EML6: variants seen among roughly 807,000 people sequenced by gnomAD.
The protein encoded by EML6 is EMAP like 6.
A neutral mutation model predicts 240.1 loss-of-function variants in EML6; 154 were observed. The observed-to-expected ratio is 0.64, with a 90% confidence interval of 0.56 to 0.73. EML6 has a LOEUF of 0.73. Among genes scored for constraint, EML6 ranks in the 30% least tolerant of loss-of-function variants. The pLI is 0.00. For synonymous variants in EML6, 1,148 were observed against 899.0 expected, an observed-to-expected ratio of 1.28 and a Z score of -4.95; for missense variants, 2,964 against 2,474.6, an observed-to-expected ratio of 1.20 and a Z score of -4.20.
intron 7 of EML6, among the ~76,000 whole-genome samples, chr2:54,838,048 C>T (rs575824215): frequency 6.6e-6 from 1 of 152,338 alleles, no homozygotes; most frequent in East Asian, 1.9e-4. Context: ...TGTGCTGGAA[C>T]ATAGCCTTTT....
chr2:54,835,376 G>C (rs1669086641), intron 7 of EML6, among the ~76,000 whole-genome samples: 1 of 152,222 alleles, frequency 6.6e-6, no homozygotes, highest in Non-Finnish European at 1.5e-5. Flanking sequence ...TGAATGAAAA[G>C]TGTCATAGGA....
At chr2:54,849,058 C>T (rs997368795) in intron 9 of EML6, among the ~76,000 whole-genome samples, 2 of 152,078 alleles carry the variant, frequency 1.3e-5, no homozygotes, top group Non-Finnish European at 2.9e-5. Flanking sequence ...TTTGACAAAC[C>T]CCAACTTTTG....
chr2:54,796,141 A>G (rs1669755029), intron 2 of EML6, among the ~76,000 whole-genome samples: 2 of 152,244 alleles, frequency 1.3e-5, no homozygotes, highest in African/African-American at 4.8e-5. Flanking sequence ...AAATCCGTCT[A>G]ATAGTATATA....
At position 54,961,184 on chromosome 2, in the gene EML6, GTT is replaced by G. The variant is rs575621987; in HGVS notation, c.4968+868_4968+869del. On this transcript the variant is annotated intron_variant, in intron 35 of 41. Coordinates refer to ENST00000356458, the MANE Select transcript of EML6 (RefSeq NM_001039753.4). The stretch of plus-strand genomic sequence containing the variant: ...GGAGCCTGGAAGTTATCAGGAAGTA[GTT>G]TTTTTTTTTTTTTTTTTGAGACGGA... Among the ~76,000 whole-genome samples, 10 of 55,424 alleles carry G rather than the reference GTT, an allele frequency of 1.8e-4. 1 individual carries two copies. The highest frequency in any genetic ancestry group is 2.7e-4 in the Admixed American group (1 of 3,714). 36.4% of individuals were successfully genotyped at this position (55,424 alleles called of 152,430 possible).
intron 35 of EML6, 21 bp downstream of exon 35, chr2:54,960,355 T>TG: frequency 2.0e-6 from 3 of 1,513,184 alleles, no homozygotes; most frequent in Non-Finnish European, 2.7e-6. Flanking sequence ...CCAGCTCCCC[T>TG]GGGGGCTGGG....
intron 2 of EML6, among the ~76,000 whole-genome samples, chr2:54,810,274 A>C (rs73935229): frequency 0.025 from 3,748 of 152,336 alleles, 157 homozygotes; most frequent in African/African-American, 0.086. Flanking sequence ...AATATGAATG[A>C]GAAGAACAAT....
chr2:54,957,942 A>G lies in EML6; in HGVS notation c.4639A>G (p.Ile1547Val), dbSNP rs1364466844. The change falls in exon 33 of 42, where the codon ATC (isoleucine) becomes GTC (valine). Residue 1547 changes from isoleucine (I) to valine (V), a missense_variant. Coordinates refer to ENST00000356458, the MANE Select transcript of EML6 (RefSeq NM_001039753.4). ...GSALLYKKGVIGSLGAAKMQT... is the reference protein window; with the variant it reads ...GSALLYKKGVVGSLGAAKMQT... ...CGCCTTGCTTTACAAGAAAGGGGTCATCGGGTCCCTGGGAGCTGCCAAAAT... is the reference window on the plus strand; with the variant it reads ...CGCCTTGCTTTACAAGAAAGGGGTCGTCGGGTCCCTGGGAGCTGCCAAAAT... 1.3e-6 allele frequency: 2 copies of G among 1,551,680 alleles called. No individual in the cohort carries two copies. Among genetic ancestry groups the G allele is most frequent in the East Asian group, 2.4e-5 (1 of 40,920 alleles).
chr2:54,930,684 A>G (rs1349004557), intron 28 of EML6, among the ~76,000 whole-genome samples: 3 of 152,182 alleles, frequency 2.0e-5, no homozygotes, highest in Non-Finnish European at 4.4e-5. Context: ...TTCTGTAGAG[A>G]GCAGCTTCCT....
At chr2:54,835,003 C>T (rs1011576024) in intron 7 of EML6, among the ~76,000 whole-genome samples, 4 of 152,186 alleles carry the variant, frequency 2.6e-5, no homozygotes, top group East Asian at 1.9e-4. Flanking sequence ...CAGCCACCAC[C>T]CTCCGCATTG....
In EML6 at chr2:54,816,797, CTG is replaced by C. The variant is rs970823693; in HGVS notation, c.371_372del (p.Val124GlyfsTer27). 1 of 1,550,880 alleles carries C rather than the reference CTG, an allele frequency of 6.4e-7. No homozygotes were observed. The highest frequency in any genetic ancestry group is 8.7e-7 in the Non-Finnish European group (1 of 1,146,424). The stretch of plus-strand genomic sequence containing the variant: ...TGTTCTTATTCTTAGCGTTTAGCCT[CTG>C]TGGGGTTGGATGCCAAAAACACAGT... On this transcript the variant is annotated frameshift_variant, in exon 4 of 42. Coordinates refer to ENST00000356458, the MANE Select transcript of EML6 (RefSeq NM_001039753.4). LOFTEE classifies it high-confidence loss of function.
chr2:54,876,439 A>G (rs2103955957), intron 16 of EML6, among the ~76,000 whole-genome samples: 1 of 152,322 alleles, frequency 6.6e-6, no homozygotes, highest in East Asian at 1.9e-4. Context: ...GAAAGGTGGT[A>G]TAACAGTGAG....
At chr2:54,885,447 C>CA (rs774663095) in intron 17 of EML6, among the ~76,000 whole-genome samples, 6,872 of 142,322 alleles carry the variant, frequency 0.048, 522 homozygotes, top group African/African-American at 0.16. Flanking sequence ...AACTCTGTCT[C>CA]AAAAAAAAAA....
At chr2:54,887,315 C>T (rs188050605) in intron 17 of EML6, among the ~76,000 whole-genome samples, 2 of 152,182 alleles carry the variant, frequency 1.3e-5, no homozygotes, top group Non-Finnish European at 2.9e-5. Context: ...ATCATTCATT[C>T]TTCACGTTAG....
intron 6 of EML6, 50 bp downstream of exon 6, chr2:54,827,801 G>A (rs1668668722): frequency 4.6e-6 from 6 of 1,311,370 alleles, no homozygotes; most frequent in Admixed American, 4.0e-5. Context: ...AATAAGGTAA[G>A]ACCACGAATC....
intron 2 of EML6, chr2:54,748,464 G>T (rs1684016481): frequency 6.6e-6 from 1 of 152,132 alleles, no homozygotes; most frequent in Non-Finnish European, 1.5e-5. Context: ...ACAAGGCCTA[G>T]TATAGGGAGG....
At chr2:54,907,117 A>C (rs943963519) in intron 24 of EML6, among the ~76,000 whole-genome samples, 4 of 152,178 alleles carry the variant, frequency 2.6e-5, no homozygotes, top group Admixed American at 1.3e-4. Flanking sequence ...ATGCTTGAGA[A>C]AGAAAAAATG....
chr2:54,915,058 G>C (rs959983495), intron 25 of EML6, among the ~76,000 whole-genome samples: 2 of 152,170 alleles, frequency 1.3e-5, no homozygotes, highest in African/African-American at 4.8e-5. Context: ...AAGGTGCTAA[G>C]GAAGGGATCC....
At chr2:54,820,486 T>C in intron 5 of EML6, 24 bp downstream of exon 5, 5 of 1,408,102 alleles carry the variant, frequency 3.6e-6, no homozygotes, top group Non-Finnish European at 4.9e-6. Context: ...TTTTTTAATT[T>C]TGGTACCTTG....
rs1361022551 is a variant in EML6, at chr2:54,844,096, G to T, written c.897G>T (p.Gly299=). The T allele has an allele frequency of 5.2e-6, 8 of 1,551,248 alleles. No homozygotes were observed. The highest frequency in any genetic ancestry group is 7.0e-6 in the Non-Finnish European group (8 of 1,146,900). The change falls in exon 8 of 42, where the codon GGG becomes GGT. Residue 299 remains glycine (G), a synonymous_variant. Coordinates refer to ENST00000356458, the MANE Select transcript of EML6 (RefSeq NM_001039753.4). ...GGAAAGCAGACCGCCTTCTAGCAGG[G>T]ACCCAGGACAGTGAGATATTTGAAG... ...VCWKADRLLA[G]TQDSEIFEVI...
Sources: gnomAD v4.1 joint callset for allele counts (sites outside exome capture counted in the v4.1 genomes callset) on GRCh38, gnomAD v4.1.1 for gene constraint, MANE v1.5 for transcripts, NCBI Gene and HGNC (gene_info 2026-07-23, HGNC 2026-07-21) for gene names.